Variants in DNAH3 observed in about 807,000 individuals in gnomAD.
DNAH3 encodes the protein dynein axonemal heavy chain 3, also known as axonemal beta dynein heavy chain 3.
Under a neutral mutation model 432.5 loss-of-function variants are expected in DNAH3, and 332 were observed. That is an observed-to-expected ratio of 0.77 (90% CI 0.70 to 0.84). The LOEUF (loss-of-function observed/expected upper bound fraction) is 0.84. DNAH3 is among the 40% of genes least tolerant of loss of function. The pLI, the probability that DNAH3 is intolerant of heterozygous loss-of-function variation, is 0.00. For missense variants in DNAH3, 4,861 were observed against 5,114.0 expected (o/e 0.95, Z 1.51); for synonymous variants, 1,956 against 1,900.2 (o/e 1.03, Z -0.76).
chr16:21,059,496 C>T (rs1293426306), intron 26 of DNAH3, among the ~76,000 whole-genome samples: 4 of 152,172 alleles, frequency 2.6e-5, no homozygotes, highest in East Asian at 1.9e-4. Context: ...GTCAGTCAGC[C>T]GGGCACAGTG....
intron 41 of DNAH3, among the ~76,000 whole-genome samples, chr16:21,015,651 GAGA>G (rs2087821625): frequency 6.6e-6 from 1 of 152,198 alleles, no homozygotes; most frequent in African/African-American, 2.4e-5. Context: ...TTGTGTGGGT[GAGA>G]AGAAGTGGCA....
At position 20,944,369 on chromosome 16, in the gene DNAH3, T is replaced by C. The variant is rs554811595; in HGVS notation, c.11511+127A>G. ...CAGTAAGGCCACAGTGCTCCTTCCCTGCCCTTGGCCAGGAGGCTGCCAGGC... is the reference window on the plus strand; with the variant it reads ...CAGTAAGGCCACAGTGCTCCTTCCCCGCCCTTGGCCAGGAGGCTGCCAGGC... On this transcript the variant is annotated intron_variant, in intron 58 of 61. Transcript: ENST00000261383. 11 of 1,088,820 alleles carry C rather than the reference T, an allele frequency of 1.0e-5. No homozygotes were observed. The South Asian group carries it at 1.0e-4, about 10-fold the overall frequency. The allele number at this position is 1,088,820 out of a possible 1,614,324, so 67.4% of individuals were successfully genotyped here.
At chr16:21,059,589 A>AT (rs2090270578) in intron 26 of DNAH3, among the ~76,000 whole-genome samples, 1 of 152,162 alleles carries the variant, frequency 6.6e-6, no homozygotes, top group Admixed American at 6.5e-5. Context: ...AGCCTGGCCA[A>AT]CATGGTGAAA....
rs377464441 is a variant in DNAH3, at chr16:20,944,562, G to A, written c.11445C>T (p.Asn3815=). The A allele has an allele frequency of 6.4e-5, 103 of 1,614,194 alleles. No homozygotes were observed. In the South Asian group the frequency reaches 9.1e-4, roughly 14 times the overall value. ...TCAGCAGGACCCCCTCAAACAGCTG[G>A]TTGGTTTCCTGGTTGTCTTTGGTGA... The change falls in exon 58 of 62, where the codon AAC becomes AAT. Residue 3815 remains asparagine (N), a synonymous_variant. Coordinates refer to ENST00000261383, the Ensembl canonical transcript of DNAH3.
At position 20,939,572 on chromosome 16, in the gene DNAH3, A is replaced by G. The variant is rs551173267; in HGVS notation, c.11654+1829T>C. Among the ~76,000 whole-genome samples the G allele has an allele frequency of 2.7e-5, 4 of 150,892 alleles. No homozygotes were observed. The East Asian group carries it at 7.8e-4, about 29-fold the overall frequency. The stretch of plus-strand genomic sequence containing the variant: ...GGTCGCAGTGAGCCGAGATCGCGCC[A>G]CTGCACTCCAGTCTGGGTGACAAGA... On this transcript the variant is annotated intron_variant, in intron 59 of 61. Coordinates refer to ENST00000261383, the Ensembl canonical transcript of DNAH3.
At chr16:20,974,212 T>C (rs1461443594) in intron 51 of DNAH3, among the ~76,000 whole-genome samples, 1 of 151,762 alleles carries the variant, frequency 6.6e-6, no homozygotes, top group Non-Finnish European at 1.5e-5. Flanking sequence ...TTTGTAGAGA[T>C]GGGGTTTGCC....
At chr16:21,120,539 A>C (rs2092313008) in intron 11 of DNAH3, 1 of 605,268 alleles carries the variant, frequency 1.7e-6, no homozygotes, top group East Asian at 2.8e-5. Context: ...TTCACTAACC[A>C]GTTCAGAGAT....
chr16:20,978,113 AAATT>A (rs530949589), intron 50 of DNAH3, among the ~76,000 whole-genome samples: 151 of 152,370 alleles, frequency 9.9e-4, no homozygotes, highest in African/African-American at 3.4e-3. Context: ...CTCTAAGAAC[AAATT>A]AATTAATAAC....
intron 17 of DNAH3, 33 bp from the exon 18 acceptor site, chr16:21,097,532 TG>T: frequency 6.2e-7 from 1 of 1,609,080 alleles, no homozygotes; most frequent in Non-Finnish European, 8.5e-7. Flanking sequence ...GTTTATGGGA[TG>T]GGTTGTTCTC....
intron 14 of DNAH3, among the ~76,000 whole-genome samples, chr16:21,107,855 G>A (rs1395812197): frequency 2.0e-5 from 3 of 151,452 alleles, no homozygotes; most frequent in East Asian, 3.9e-4. Context: ...TTACTTGATC[G>A]TGACATGTTT....
exon 54 of DNAH3, chr16:20,959,293 T>G: frequency 6.2e-7 from 1 of 1,614,190 alleles, no homozygotes; most frequent in East Asian, 2.2e-5. Flanking sequence ...GGTCCCGTCT[T>G]TGATGGCATT....
exon 62 of DNAH3, chr16:20,933,333 T>G (rs143778940): frequency 1.9e-6 from 3 of 1,614,102 alleles, no homozygotes; most frequent in Non-Finnish European, 2.5e-6. Context: ...TGCAGAAACA[T>G]TGCGCTCTCC....
exon 32 of DNAH3, chr16:21,042,124 A>G: frequency 1.2e-6 from 2 of 1,613,758 alleles, no homozygotes; most frequent in Non-Finnish European, 1.7e-6. Flanking sequence ...AGTCCCTTCA[A>G]AGATGAATGT....
At chr16:21,015,644 T>C (rs1206024054) in intron 41 of DNAH3, among the ~76,000 whole-genome samples, 1 of 152,200 alleles carries the variant, frequency 6.6e-6, no homozygotes, top group Non-Finnish European at 1.5e-5. Flanking sequence ...ACTGTGTTTG[T>C]GTGGGTGAGA....
chr16:20,986,285 A>T (rs2086193242), intron 47 of DNAH3, among the ~76,000 whole-genome samples: 1 of 151,940 alleles, frequency 6.6e-6, no homozygotes, highest in Non-Finnish European at 1.5e-5. Flanking sequence ...CAGAAGGATC[A>T]TTTGAGCTCA....
intron 36 of DNAH3, among the ~76,000 whole-genome samples, chr16:21,031,906 T>A (rs1187917656): frequency 6.6e-6 from 1 of 152,064 alleles, no homozygotes; most frequent in African/African-American, 2.4e-5. Flanking sequence ...CGCATGCCTG[T>A]AAACCCAGCC....
At chr16:21,033,902 A>G in intron 36 of DNAH3, 72 bp downstream of exon 36, 1 of 1,051,210 alleles carries the variant, frequency 9.5e-7, no homozygotes, top group Admixed American at 2.0e-5. Context: ...GCAGCCTGGC[A>G]TTATCTCCAT....
intron 36 of DNAH3, among the ~76,000 whole-genome samples, chr16:21,032,130 C>T (rs1166254269): frequency 6.6e-6 from 1 of 151,958 alleles, no homozygotes; most frequent in Admixed American, 6.5e-5. Context: ...CCTCTATGTA[C>T]CTGCTCTCAC....
chr16:21,128,147 C>T (rs1039984274), intron 7 of DNAH3, among the ~76,000 whole-genome samples: 54 of 152,028 alleles, frequency 3.6e-4, no homozygotes, highest in African/African-American at 1.2e-3. Context: ...ATCAAATGGA[C>T]GAATCAATGT....
Sources: allele counts gnomAD v4.1 joint callset (sites outside exome capture counted in the v4.1 genomes callset), GRCh38; gene constraint gnomAD v4.1.1; transcripts MANE v1.5; gene names NCBI Gene and HGNC (gene_info 2026-07-23, HGNC 2026-07-21).